GSTCD: variants seen among roughly 807,000 people sequenced by gnomAD.
GSTCD encodes the protein glutathione S-transferase C-terminal domain containing, also known as glutathione S-transferase C-terminal domain-containing protein.
Under a neutral mutation model 68.3 loss-of-function variants are expected in GSTCD, and 44 were observed. That is an observed-to-expected ratio of 0.64 (90% confidence interval 0.51 to 0.83). The LOEUF (loss-of-function observed/expected upper bound fraction) is 0.83. GSTCD is among the 40% of genes least tolerant of loss of function. The pLI is 0.00. For synonymous variants in GSTCD, 273 were observed against 255.2 expected, an observed-to-expected ratio of 1.07 and a Z score of -0.67; for missense variants, 739 against 735.9, an observed-to-expected ratio of 1.00 and a Z score of -0.05.
intron 5 of GSTCD, among the ~76,000 whole-genome samples, chr4:105,809,708 T>C (rs1205256012): frequency 6.6e-6 from 1 of 152,030 alleles, no homozygotes; most frequent in East Asian, 1.9e-4. Flanking sequence ...AAATTAACTG[T>C]TGAAATTCTT....
At chr4:105,726,503 G>T (rs1733039442) in intron 3 of GSTCD, 76 bp from the exon 4 acceptor site, 4 of 893,336 alleles carry the variant, frequency 4.5e-6, no homozygotes, top group Non-Finnish European at 6.7e-6. Context: ...GAATGTTGTG[G>T]TTTGTAAAGT....
At chr4:105,842,850 A>C (rs965748988) in intron 11 of GSTCD, among the ~76,000 whole-genome samples, 3 of 152,214 alleles carry the variant, frequency 2.0e-5, no homozygotes, top group Admixed American at 2.0e-4. Context: ...CATCTGGTAG[A>C]TGATGGAGCT....
At chr4:105,777,418 C>T (rs899925865) in intron 5 of GSTCD, among the ~76,000 whole-genome samples, 16 of 152,166 alleles carry the variant, frequency 1.1e-4, no homozygotes, top group Non-Finnish European at 1.5e-5. Context: ...TTTGTTATTG[C>T]CAATCTGGAA....
Position 105,823,241 on chromosome 4 carries a change from G to T in GSTCD, c.1367G>T (p.Gly456Val). 1 of 1,613,842 alleles carries T rather than the reference G, an allele frequency of 6.2e-7. No individual in the cohort carries two copies. Reference protein sequence around the residue: ...VDFCSGGGHVGIVLAHMLPSC... With the variant: ...VDFCSGGGHVVIVLAHMLPSC... ...TACTGACTTTTTCAGGGCCATGTTGGAATTGTCCTTGCTCACATGCTGCCA... is the reference window on the plus strand; with the variant it reads ...TACTGACTTTTTCAGGGCCATGTTGTAATTGTCCTTGCTCACATGCTGCCA... The change falls in exon 7 of 12, where the codon GGA becomes GTA. Residue 456 changes from glycine to valine, a missense_variant. Coordinates refer to ENST00000515279, the MANE Select transcript of GSTCD (RefSeq NM_001370181.1).
At chr4:105,726,514 T>TA in intron 3 of GSTCD, 65 bp from the exon 4 acceptor site, 3 of 1,023,728 alleles carry the variant, frequency 2.9e-6, no homozygotes, top group Non-Finnish European at 4.2e-6. Context: ...TTTGTAAAGT[T>TA]ACCTCAACAC....
intron 5 of GSTCD, among the ~76,000 whole-genome samples, chr4:105,778,921 C>T (rs1735174494): frequency 6.6e-6 from 1 of 152,110 alleles, no homozygotes; most frequent in African/African-American, 2.4e-5. Flanking sequence ...CATACTCATT[C>T]TCTGTCTGAA....
intron 11 of GSTCD, chr4:105,843,355 C>T (rs1450314021): frequency 1.3e-5 from 2 of 152,296 alleles, no homozygotes; most frequent in East Asian, 1.9e-4. Flanking sequence ...TTCCCATCTC[C>T]AACACTTTGA....
chr4:105,729,342 C>A, intron 4 of GSTCD, 64 bp from the exon 5 acceptor site: 1 of 974,154 alleles, frequency 1.0e-6, no homozygotes, highest in South Asian at 1.9e-5. Context: ...ATTTTTTAGC[C>A]TTCAATAATA....
chr4:105,764,216 A>C (rs1422681706), intron 5 of GSTCD, among the ~76,000 whole-genome samples: 1 of 152,206 alleles, frequency 6.6e-6, no homozygotes, highest in East Asian at 1.9e-4. Context: ...AGTTTTATAG[A>C]AAAAATATTT....
At chr4:105,771,979 G>A (rs1441936413) in intron 5 of GSTCD, among the ~76,000 whole-genome samples, 2 of 152,022 alleles carry the variant, frequency 1.3e-5, no homozygotes, top group African/African-American at 2.4e-5. Context: ...CCATTTTCAC[G>A]ATATTGATTC....
intron 5 of GSTCD, among the ~76,000 whole-genome samples, chr4:105,729,709 G>A (rs1006445639): frequency 1.3e-4 from 20 of 151,830 alleles, no homozygotes; most frequent in African/African-American, 4.6e-4. Context: ...TGTTTTATTT[G>A]TTACTGTTTT....
At chr4:105,722,651 C>T (rs958990404) in intron 3 of GSTCD, among the ~76,000 whole-genome samples, 3 of 152,018 alleles carry the variant, frequency 2.0e-5, no homozygotes, top group Admixed American at 6.6e-5. Flanking sequence ...TCTTGCTTCT[C>T]TTTTTATTCT....
intron 5 of GSTCD, among the ~76,000 whole-genome samples, chr4:105,817,079 C>T (rs1250001028): frequency 6.6e-6 from 1 of 151,794 alleles, no homozygotes; most frequent in Admixed American, 6.6e-5. Flanking sequence ...GTTAAAATTT[C>T]TTTTAAGAAC....
intron 5 of GSTCD, among the ~76,000 whole-genome samples, chr4:105,743,199 C>G (rs1460145891): frequency 1.3e-5 from 2 of 152,064 alleles, no homozygotes; most frequent in Admixed American, 6.5e-5. Flanking sequence ...ATCTGCCCCC[C>G]TTGGCCTCCC....
intron 5 of GSTCD, among the ~76,000 whole-genome samples, chr4:105,735,333 C>T (rs2149216492): frequency 6.6e-6 from 1 of 152,332 alleles, no homozygotes; most frequent in Non-Finnish European, 1.5e-5. Flanking sequence ...CCAGTTCAAG[C>T]TTCCAGGCCG....
At chr4:105,794,043 A>T (rs1735777737) in intron 5 of GSTCD, among the ~76,000 whole-genome samples, 1 of 152,090 alleles carries the variant, frequency 6.6e-6, no homozygotes, top group South Asian at 2.1e-4. Flanking sequence ...TGTGTCCAAA[A>T]ACTATTTGTT....
At position 105,846,418 on chromosome 4, in the gene GSTCD, A is replaced by C. The variant is rs187496632; in HGVS notation, c.*841A>C. On this transcript the variant is annotated 3_prime_UTR_variant, in exon 12 of 12. Transcript: ENST00000515279. ...AATTTCCCATAAATTACCAAATGAG[A>C]TTGTCACTGGTTCAAATTATTAAAT... 2.0e-5 allele frequency: 3 copies of C among 152,242 alleles called. No individual in the cohort carries two copies. The highest frequency in any genetic ancestry group is 2.0e-4 in the Admixed American group (3 of 15,280). The allele number at this position is 152,242 out of a possible 1,614,324, so 9.4% of individuals were successfully genotyped here.
chr4:105,724,652 T>C (rs894127523), intron 3 of GSTCD, among the ~76,000 whole-genome samples: 2 of 151,894 alleles, frequency 1.3e-5, no homozygotes, highest in African/African-American at 2.4e-5. Context: ...CTTTAGATCA[T>C]TATTAATAGT....
chr4:105,834,369 G>A, intron 8 of GSTCD, 92 bp from the exon 9 acceptor site: 2 of 1,193,870 alleles, frequency 1.7e-6, no homozygotes, highest in Non-Finnish European at 2.4e-6. Context: ...GTGGTCCTTT[G>A]GTATGGCCAA....
Sources: allele counts gnomAD v4.1 joint callset (sites outside exome capture counted in the v4.1 genomes callset), GRCh38; gene constraint gnomAD v4.1.1; transcripts MANE v1.5; gene names NCBI Gene and HGNC (gene_info 2026-07-23, HGNC 2026-07-21).